USH2A: variants seen among roughly 807,000 people sequenced by gnomAD.
The protein encoded by USH2A is Usher syndrome 2A (autosomal recessive, mild).
USH2A carries 443 observed loss-of-function variants against 538.9 expected under a neutral mutation model. The observed-to-expected ratio is 0.82, with a 90% confidence interval of 0.76 to 0.89. The LOEUF (loss-of-function observed/expected upper bound fraction) is 0.89. Ranked by LOEUF, USH2A falls within the 40% of genes least tolerant of loss-of-function variation. The pLI, the probability that USH2A is intolerant of heterozygous loss-of-function variation, is 0.00. For missense variants in USH2A, 6,633 were observed against 6,324.8 expected (o/e 1.05, Z -1.65); for synonymous variants, 2,413 against 2,273.5 (o/e 1.06, Z -1.75).
chr1:216,407,853 ACTACCATCAAATCC>A (rs1366625434), intron 3 of USH2A, among the ~76,000 whole-genome samples: 2 of 152,136 alleles, frequency 1.3e-5, no homozygotes, highest in Non-Finnish European at 2.9e-5. Flanking sequence ...TTTCAAAAGC[ACTACCATCAAATCC>A]CAACCATTAC....
At chr1:216,102,120 A>G (rs1475645271) in intron 21 of USH2A, among the ~76,000 whole-genome samples, 2 of 152,110 alleles carry the variant, frequency 1.3e-5, no homozygotes, top group Non-Finnish European at 2.9e-5. Flanking sequence ...GAATGAAAAG[A>G]CAAATGACAT....
chr1:216,200,033 C>G lies in USH2A; in HGVS notation c.3405G>C (p.Arg1135Ser), dbSNP rs372843685. Residue 1135 changes from arginine to serine, a missense_variant, in exon 17 of 72, where the codon AGG becomes AGC. Coordinates refer to ENST00000307340, the MANE Select transcript of USH2A (RefSeq NM_206933.4). ...IETTNVHGST[R>S]SVAVTYKTKP... ...TTGTCTTGTAAGTGACAGCTACACTCCTTGTTGAACCATGCACATTGGTGG... is the reference window on the plus strand; with the variant it reads ...TTGTCTTGTAAGTGACAGCTACACTGCTTGTTGAACCATGCACATTGGTGG... 18 of 1,613,818 alleles carry G rather than the reference C, an allele frequency of 1.1e-5. No homozygotes were observed. Among genetic ancestry groups the G allele is most frequent in the Admixed American group, 6.7e-5 (4 of 59,974 alleles).
At chr1:215,739,105 T>C (rs1257310004) in intron 60 of USH2A, among the ~76,000 whole-genome samples, 1 of 152,208 alleles carries the variant, frequency 6.6e-6, no homozygotes, top group Non-Finnish European at 1.5e-5. Context: ...GCCATTTTCA[T>C]TTCACTTTAA....
In USH2A at chr1:215,680,260, G is replaced by A. The variant is rs1475985488; in HGVS notation, c.12183C>T (p.Thr4061=). 1.2e-6 allele frequency: 2 copies of A among 1,614,148 alleles called. No homozygotes were observed. Among genetic ancestry groups the A allele is most frequent in the Non-Finnish European group, 1.7e-6 (2 of 1,180,012 alleles). ...TCAGTCCACTTGGGGAAGATTCTAAGGTTTGAATCAGAGTCCAAGGGCTTA... is the reference window on the plus strand; with the variant it reads ...TCAGTCCACTTGGGGAAGATTCTAAAGTTTGAATCAGAGTCCAAGGGCTTA... ...EILSPWTLIQ[T]LESSPSGLRN... Residue 4061 remains threonine (T), a synonymous_variant, in exon 62 of 72, where the codon ACC becomes ACT. Coordinates refer to ENST00000307340, the MANE Select transcript of USH2A (RefSeq NM_206933.4).
rs745779086 is a variant in USH2A at position 215,900,199 on chromosome 1, A to C, written c.7470T>G (p.Ser2490=). 5 of 1,613,542 alleles carry C rather than the reference A, an allele frequency of 3.1e-6. No homozygotes were observed. The South Asian group carries it at 5.5e-5, about 18-fold the overall frequency. The change falls in exon 40 of 72, where the codon TCT becomes TCG. Residue 2490 remains serine, a synonymous_variant. Coordinates refer to ENST00000307340, the MANE Select transcript of USH2A (RefSeq NM_206933.4). The stretch of plus-strand genomic sequence containing the variant: ...CACTCACTTCATAGCTTAACGATGC[A>C]GAAGGATTGGAAAATAACCTGTATG... The part of the protein sequence containing the change: ...HGFLELFSNP[S]ASLSYEVSDL...
chr1:216,055,786 T>C (rs2102533193), intron 30 of USH2A, among the ~76,000 whole-genome samples: 1 of 152,340 alleles, frequency 6.6e-6, no homozygotes, highest in Admixed American at 6.5e-5. Flanking sequence ...GAAAGTCAAT[T>C]TGCATTTTAC....
chr1:215,705,407 C>T (rs1018480086), intron 61 of USH2A, among the ~76,000 whole-genome samples: 3 of 152,164 alleles, frequency 2.0e-5, no homozygotes, highest in Admixed American at 6.5e-5. Flanking sequence ...GTCGTACCAA[C>T]GGTGCACAGA....
At chr1:215,870,107 T>C (rs1334124887) in intron 43 of USH2A, among the ~76,000 whole-genome samples, 1 of 97,146 alleles carries the variant, frequency 1.0e-5, no homozygotes. Flanking sequence ...GCACAACTAG[T>C]TAATGGGGTA....
chr1:216,099,772 C>A (rs1009232778), intron 21 of USH2A, among the ~76,000 whole-genome samples: 1 of 152,032 alleles, frequency 6.6e-6, no homozygotes, highest in African/African-American at 2.4e-5. Context: ...GCATTAATAA[C>A]AGAAATAGAA....
intron 46 of USH2A, among the ~76,000 whole-genome samples, chr1:215,843,231 A>G (rs908083236): frequency 6.6e-6 from 1 of 152,182 alleles, no homozygotes. Flanking sequence ...TTCTGTGCTT[A>G]ATATCTTCTG....
Position 215,878,997 on chromosome 1 carries a change from C to A in USH2A, c.8325G>T (p.Val2775=), listed in dbSNP as rs1188384028. Residue 2775 remains valine, a synonymous_variant, in exon 42 of 72, where the codon GTG becomes GTT. Coordinates refer to ENST00000307340, the MANE Select transcript of USH2A (RefSeq NM_206933.4). ...HITLTNVTSA[V]LSQKVTHLIP... is the part of the protein sequence containing the mutation. ...TCAGATGAGTAACTTTTTGACTTAA[C>A]ACTGCGGAAGTCACATTGGTTAAAG... The A allele has an allele frequency of 6.2e-7, 1 of 1,613,972 alleles. No individual in the cohort carries two copies. The highest frequency in any genetic ancestry group is 1.7e-5 in the Admixed American group (1 of 59,996).
chr1:215,655,528 C>T (rs1657212349), intron 64 of USH2A, among the ~76,000 whole-genome samples: 2 of 152,050 alleles, frequency 1.3e-5, no homozygotes, highest in Admixed American at 6.6e-5. Context: ...CTCCCAATTT[C>T]TCTCAACCCA....
chr1:215,859,201 A>C (rs969001879), intron 44 of USH2A, among the ~76,000 whole-genome samples: 1 of 152,124 alleles, frequency 6.6e-6, no homozygotes, highest in Admixed American at 6.5e-5. Context: ...GCTTGGGTCC[A>C]TTTATAAAGG....
At chr1:215,948,121 C>T (rs1054907538) in intron 37 of USH2A, among the ~76,000 whole-genome samples, 2 of 151,962 alleles carry the variant, frequency 1.3e-5, no homozygotes, top group Non-Finnish European at 2.9e-5. Context: ...ATAACAATCT[C>T]AAGATTTTTG....
intron 32 of USH2A, among the ~76,000 whole-genome samples, chr1:216,016,187 C>T (rs1157751143): frequency 9.7e-6 from 1 of 103,358 alleles, no homozygotes. Context: ...ACACCAGGGC[C>T]TGCTGGGGGG....
rs751060724 is a variant in USH2A, at chr1:216,337,359, G to A, written c.785-9705C>T. 3.1e-4 allele frequency among the ~76,000 whole-genome samples: 47 copies of A among 151,222 alleles called. 1 individual carries two copies. Among genetic ancestry groups the A allele is most frequent in the Non-Finnish European group, 1.2e-4 (8 of 67,452 alleles). ...AAGAAATTTGCCCAAGGTAAAACAG[G>A]TCATAAATGGGAGAGCTGAAACATG... is the stretch of plus-strand genomic sequence containing the variant. On this transcript the variant is annotated intron_variant, in intron 4 of 71. Coordinates refer to ENST00000307340, the MANE Select transcript of USH2A (RefSeq NM_206933.4).
intron 37 of USH2A, 150 bp from the exon 38 acceptor site, chr1:215,934,945 A>G (rs1666456980): frequency 2.8e-6 from 2 of 709,092 alleles, no homozygotes; most frequent in Non-Finnish European, 4.4e-6. Flanking sequence ...GCTTCTATCA[A>G]TGCACATATT....
At chr1:215,861,838 C>CTTTTTT (rs11461966) in intron 44 of USH2A, among the ~76,000 whole-genome samples, 2 of 110,336 alleles carry the variant, frequency 1.8e-5, no homozygotes, top group African/African-American at 3.5e-5. Context: ...GTAGTTTTCG[C>CTTTTTT]TTTTTTTTTT....
chr1:216,208,509 A>G lies in USH2A; in HGVS notation c.3158-1078T>C, dbSNP rs183862429. 4.6e-4 allele frequency among the ~76,000 whole-genome samples: 70 copies of G among 152,278 alleles called. 1 individual carries two copies. The East Asian group carries it at 0.01, about 23-fold the overall frequency. The stretch of plus-strand genomic sequence containing the variant: ...GCCTCAGTAAAAGAAAGCACACTCA[A>G]AAAAAGTAACTTGGGGAGAGCTCAA... On this transcript the variant is annotated intron_variant, in intron 15 of 71. Transcript: ENST00000307340.
Sources: allele counts gnomAD v4.1 joint callset (sites outside exome capture counted in the v4.1 genomes callset), GRCh38; gene constraint gnomAD v4.1.1; transcripts MANE v1.5; gene names NCBI Gene and HGNC (gene_info 2026-07-23, HGNC 2026-07-21).